Variants in NOL11 observed in about 807,000 individuals in gnomAD.
The protein encoded by NOL11 is nucleolar protein 11.
A neutral mutation model predicts 93.0 loss-of-function variants in NOL11; 42 were observed. The observed-to-expected ratio is 0.45, with a 90% CI of 0.35 to 0.58. The LOEUF is 0.58. Among genes scored for constraint, NOL11 ranks in the 20% least tolerant of loss-of-function variants. The pLI is 0.00. For synonymous variants in NOL11, 296 were observed against 293.7 expected, an observed-to-expected ratio of 1.01 and a Z score of -0.08; for missense variants, 775 against 841.8, an observed-to-expected ratio of 0.92 and a Z score of 0.98.
rs78769413 is a variant in NOL11 at position 67,724,044 on chromosome 17, T to G, written c.520-5T>G. On this transcript the variant is annotated splice_region_variant and splice_polypyrimidine_tract_variant and intron_variant, in intron 5 of 17. Transcript: ENST00000253247. ...TATTTATAAAATAACCTTTTTTTTTTGCAGCATGGAAATTACTTTGCTTAC... is the reference window on the plus strand; with the variant it reads ...TATTTATAAAATAACCTTTTTTTTTGGCAGCATGGAAATTACTTTGCTTAC... 2.6e-6 allele frequency: 4 copies of G among 1,529,058 alleles called. No homozygotes were observed. Among genetic ancestry groups the G allele is most frequent in the Non-Finnish European group, 3.5e-6 (4 of 1,141,850 alleles). The allele number at this position is 1,529,058 out of a possible 1,614,324, so 94.7% of individuals were successfully genotyped here.
chr17:67,720,048 A>C, intron 3 of NOL11, 86 bp downstream of exon 3: 2 of 1,256,184 alleles, frequency 1.6e-6, no homozygotes, highest in East Asian at 5.1e-5. Context: ...ATTTATTTTA[A>C]TACCTCTGGG....
intron 7 of NOL11, among the ~76,000 whole-genome samples, chr17:67,728,196 C>G (rs150351940): frequency 3.7e-3 from 562 of 152,068 alleles, no homozygotes; most frequent in African/African-American, 0.013. Flanking sequence ...GGAGGCAGAG[C>G]TTGCAGTGAG....
chr17:67,721,801 A>G (rs1045879641), intron 4 of NOL11, among the ~76,000 whole-genome samples: 1 of 152,170 alleles, frequency 6.6e-6, no homozygotes, highest in Non-Finnish European at 1.5e-5. Context: ...TGTTCCTCTC[A>G]TATTGCCCTG....
At chr17:67,728,790 T>G (rs1474148623) in intron 7 of NOL11, among the ~76,000 whole-genome samples, 1 of 152,226 alleles carries the variant, frequency 6.6e-6, no homozygotes, top group Non-Finnish European at 1.5e-5. Context: ...TTGTTAATCT[T>G]CCTTGCTTTT....
chr17:67,735,318 A>T (rs1249791483), intron 8 of NOL11, among the ~76,000 whole-genome samples: 1 of 151,874 alleles, frequency 6.6e-6, no homozygotes, highest in African/African-American at 2.4e-5. Context: ...AAGGTTTCTC[A>T]GCATACAATT....
chr17:67,734,581 TTTAG>T (rs2055184412), intron 8 of NOL11, 142 bp downstream of exon 8: 1 of 603,068 alleles, frequency 1.7e-6, no homozygotes, highest in African/African-American at 1.9e-5. Context: ...GCTTCAGAAA[TTTAG>T]TTATTTTTCT....
intron 2 of NOL11, 26 bp downstream of exon 2, chr17:67,719,813 A>G (rs763128025): frequency 1.4e-6 from 2 of 1,470,384 alleles, no homozygotes; most frequent in East Asian, 2.4e-5. Context: ...TTTGTATAAT[A>G]TATACAATAT....
At position 67,726,573 on chromosome 17, in the gene NOL11, CG is replaced by C; in HGVS notation, c.779del (p.Arg260GlnfsTer17). 6.2e-7 allele frequency: 1 copy of C among 1,614,068 alleles called. No homozygotes were observed. The highest frequency in any genetic ancestry group is 8.5e-7 in the Non-Finnish European group (1 of 1,179,994). On this transcript the variant is annotated frameshift_variant, in exon 7 of 18. Transcript: ENST00000253247. LOFTEE classifies it high-confidence loss of function. ...LLKAVVSGNA[R>X]NGVALTALDQ... The stretch of plus-strand genomic sequence containing the variant: ...CAAGGCTGTTGTATCTGGTAACGCT[CG>C]AAATGGAGTTGCACTCACTGCCCTG...
chr17:67,739,549 A>C lies in NOL11; in HGVS notation c.1876A>C (p.Lys626Gln). The change falls in exon 16 of 18, where the codon AAG (lysine) becomes CAG (glutamine). Residue 626 changes from lysine to glutamine, a missense_variant. By Grantham distance (53) the Lys-to-Gln change is moderately conservative (BLOSUM62 1). Around this residue, in one of 2 missense-constraint regions of NOL11, gnomAD observed 416 missense variants for 525.2 expected, o/e 0.79. Coordinates refer to ENST00000253247, the MANE Select transcript of NOL11 (RefSeq NM_015462.5). ...TAAGTATTTGTATTTCCTGTACCTG[A>C]AGTGTAGCGAAAATGCTACTATGAC... is the stretch of plus-strand genomic sequence containing the variant. ...FLKYLYFLYL[K>Q]CSENATMTLP... 6.2e-7 allele frequency: 1 copy of C among 1,600,084 alleles called. No individual in the cohort carries two copies. Among genetic ancestry groups the C allele is most frequent in the Non-Finnish European group, 8.5e-7 (1 of 1,175,322 alleles).
chr17:67,734,946 T>G (rs955860190), intron 8 of NOL11, among the ~76,000 whole-genome samples: 3 of 152,242 alleles, frequency 2.0e-5, no homozygotes, highest in Admixed American at 2.0e-4. Flanking sequence ...GCCAGAACAA[T>G]TAGCTATTTA....
intron 11 of NOL11, 131 bp downstream of exon 11, chr17:67,737,276 G>GT: frequency 1.4e-6 from 1 of 697,598 alleles, no homozygotes; most frequent in African/African-American, 1.8e-5. Flanking sequence ...TATCTTAAGG[G>GT]TGTCAGAGTT....
At position 67,743,862 on chromosome 17, in the gene NOL11, T is replaced by C. The variant is rs1478253400; in HGVS notation, c.*3T>C. On this transcript the variant is annotated 3_prime_UTR_variant, in exon 18 of 18. Coordinates refer to ENST00000253247, the MANE Select transcript of NOL11 (RefSeq NM_015462.5). ...TTGAAGTGCTGGAGCTCTTCTGATA[T>C]TATCAATTCTCCTTCATAGACATTT... 3.1e-6 allele frequency: 4 copies of C among 1,273,260 alleles called. No homozygotes were observed. The highest frequency in any genetic ancestry group is 4.4e-6 in the Non-Finnish European group (4 of 908,284). 78.9% of individuals were successfully genotyped at this position (1,273,260 alleles called of 1,614,324 possible). A position where few individuals can be genotyped will look rare whatever the true frequency, so the allele number is the denominator to read the frequency against.
intron 6 of NOL11, among the ~76,000 whole-genome samples, chr17:67,724,624 G>T (rs925520036): frequency 6.6e-6 from 1 of 152,150 alleles, no homozygotes; most frequent in Non-Finnish European, 1.5e-5. Context: ...GAGTCACCTC[G>T]TGCGGCCCAT....
At position 67,726,608 on chromosome 17, in the gene NOL11, T is replaced by A; in HGVS notation, c.813T>A (p.Asp271Glu). Reference protein sequence around the residue: ...NGVALTALDQDHVAVLGSPLA... With the variant: ...NGVALTALDQEHVAVLGSPLA... ...TTGCACTCACTGCCCTGGATCAGGA[T>A]CACGTCGCAGTCCTAGGAAGTCCAC... The change falls in exon 7 of 18, where the codon GAT becomes GAA. Residue 271 changes from aspartate to glutamate, a missense_variant. Coordinates refer to ENST00000253247, the MANE Select transcript of NOL11 (RefSeq NM_015462.5). 1 of 1,613,694 alleles carries A rather than the reference T, an allele frequency of 6.2e-7. No homozygotes were observed. The highest frequency in any genetic ancestry group is 8.5e-7 in the Non-Finnish European group (1 of 1,179,882).
At chr17:67,728,725 A>G (rs2055123010) in intron 7 of NOL11, among the ~76,000 whole-genome samples, 1 of 152,068 alleles carries the variant, frequency 6.6e-6, no homozygotes, top group Non-Finnish European at 1.5e-5. Flanking sequence ...ACTGTTGTGT[A>G]CCTTGTTTAT....
In NOL11 at chr17:67,737,652, T is replaced by C; in HGVS notation, c.1363T>C (p.Cys455Arg). The C allele has an allele frequency of 1.9e-6, 3 of 1,614,078 alleles. No individual in the cohort carries two copies. The highest frequency in any genetic ancestry group is 1.1e-5 in the South Asian group (1 of 91,044). Residue 455 changes from cysteine to arginine, a missense_variant, in exon 12 of 18, where the codon TGT (cysteine) becomes CGT (arginine). Coordinates refer to ENST00000253247, the MANE Select transcript of NOL11 (RefSeq NM_015462.5). ...KAEPSFYPRN[C>R]LMQLIQTHVL... ...AGAACCATCATTTTATCCCCGGAAC[T>C]GTCTGATGCAGCTTATCCAAACGCA...
intron 6 of NOL11, among the ~76,000 whole-genome samples, 154 bp from the exon 7 acceptor site, chr17:67,726,306 C>T (rs909572403): frequency 6.6e-6 from 1 of 152,148 alleles, no homozygotes; most frequent in Non-Finnish European, 1.5e-5. Context: ...ATTTGTGGTA[C>T]TCTTTAAGAG....
At position 67,718,013 on chromosome 17, in the gene NOL11, C is replaced by T. The variant is rs139874546; in HGVS notation, c.66C>T (p.Leu22=). 94 of 1,614,228 alleles carry T rather than the reference C, an allele frequency of 5.8e-5. 2 individuals are homozygous for T. The East Asian group carries it at 1.6e-3, about 28-fold the overall frequency. ...SVVLSAGPEG[L]LGVEQSDKTD... ...TCCTGAGCGCCGGGCCTGAAGGACT[C>T]CTAGGCGTGGAGCAGAGCGACAAAA... The change falls in exon 1 of 18, where the codon CTC becomes CTT. Residue 22 remains leucine, a synonymous_variant. Transcript: ENST00000253247.
Position 67,718,094 on chromosome 17 carries a change from G to T in NOL11, c.141+6G>T, listed in dbSNP as rs758468472. On this transcript the variant is annotated splice_donor_region_variant and intron_variant, in intron 1 of 17. Transcript: ENST00000253247. Reference sequence around the variant, plus strand: ...GGACAGTCATCCTCTATAAGGTGAAGGCAATAGGTTTGGGAGCGCCCCGAC... The same window carrying T: ...GGACAGTCATCCTCTATAAGGTGAATGCAATAGGTTTGGGAGCGCCCCGAC... The T allele has an allele frequency of 6.2e-7, 1 of 1,613,280 alleles. No individual in the cohort carries two copies. Among genetic ancestry groups the T allele is most frequent in the South Asian group, 1.1e-5 (1 of 91,044 alleles).
Sources: allele counts gnomAD v4.1 joint callset (sites outside exome capture counted in the v4.1 genomes callset), GRCh38; gene constraint gnomAD v4.1.1; regional missense constraint gnomAD v4.1.1; transcripts MANE v1.5; gene names NCBI Gene and HGNC (gene_info 2026-07-23, HGNC 2026-07-21).